ATP13A3: variants seen among roughly 807,000 people sequenced by gnomAD.
ATP13A3 encodes the protein polyamine-transporting ATPase 13A3.
Under a neutral mutation model 158.1 loss-of-function variants are expected in ATP13A3, and 59 were observed. The ratio of observed to expected loss-of-function variants is 0.37; its 90% confidence interval spans 0.30 to 0.46. The LOEUF is 0.46. ATP13A3 is among the 20% of genes least tolerant of loss of function. The pLI is 1.00. For missense variants in ATP13A3, 1,166 were observed against 1,525.2 expected (o/e 0.76, Z 3.92); for synonymous variants, 491 against 504.3 (o/e 0.97, Z 0.35).
At chr3:194,415,942 A>T (rs1715820911) in intron 31 of ATP13A3, among the ~76,000 whole-genome samples, 1 of 152,202 alleles carries the variant, frequency 6.6e-6, no homozygotes, top group Non-Finnish European at 1.5e-5. Context: ...CCTGTCCGTA[A>T]CATACAAGAA....
At position 194,433,397 on chromosome 3, in the gene ATP13A3, C is replaced by T. The variant is rs71316302; in HGVS notation, c.2245+375G>A. ...TAGCTGGGACTACAGGCACCCGCCA[C>T]CGCTCCCGGCTAATTTTTTGTATTT... On this transcript the variant is annotated intron_variant, in intron 21 of 33. Coordinates refer to ENST00000645319, the MANE Select transcript of ATP13A3 (RefSeq NM_001367549.1). Among the ~76,000 whole-genome samples the T allele has an allele frequency of 8.0e-3, 1,220 of 152,170 alleles. 5 individuals are homozygous for T. The highest frequency in any genetic ancestry group is 0.012 in the Non-Finnish European group (815 of 67,982).
chr3:194,438,643 T>C (rs1717829445), intron 17 of ATP13A3, among the ~76,000 whole-genome samples: 1 of 152,056 alleles, frequency 6.6e-6, no homozygotes, highest in African/African-American at 2.4e-5. Context: ...GAGAATTAAA[T>C]GTAAGTAAGC....
In ATP13A3 at chr3:194,486,854, G is replaced by C. The variant is rs911966343; in HGVS notation, c.-377C>G. The C allele has an allele frequency of 9.2e-5, 14 of 151,820 alleles. No individual in the cohort carries two copies. Among genetic ancestry groups the C allele is most frequent in the African/African-American group, 2.9e-4 (12 of 41,452 alleles). The allele number at this position is 151,820 out of a possible 1,614,324, so 9.4% of individuals were successfully genotyped here. Reference sequence around the variant, plus strand: ...CGAGAACAAGGGAGGGCGGCGGGAGGTGGGCAGGGGAGGGGGGCGGTCTGC... The same window carrying C: ...CGAGAACAAGGGAGGGCGGCGGGAGCTGGGCAGGGGAGGGGGGCGGTCTGC... On this transcript the variant is annotated 5_prime_UTR_variant, in exon 1 of 34. Transcript: ENST00000645319.
At chr3:194,455,669 A>G (rs1488712581) in intron 8 of ATP13A3, among the ~76,000 whole-genome samples, 2 of 152,258 alleles carry the variant, frequency 1.3e-5, no homozygotes, top group African/African-American at 4.8e-5. Flanking sequence ...TAACTCTGCT[A>G]GACATTCAAC....
At chr3:194,410,243 T>C (rs1715265361) in intron 33 of ATP13A3, among the ~76,000 whole-genome samples, 1 of 121,264 alleles carries the variant, frequency 8.2e-6, no homozygotes, top group African/African-American at 3.1e-5. Flanking sequence ...GCAGATGGCT[T>C]GAACCCAGGA....
At position 194,430,130 on chromosome 3, in the gene ATP13A3, C is replaced by T; in HGVS notation, c.2719G>A (p.Val907Met). The stretch of plus-strand genomic sequence containing the variant: ...GTCTTAGAGGTAAAGGGAGATGCCA[C>T]TGAAGCTTCGAGCTCCGATAAGGAA... ...GISLSELEAS[V>M]ASPFTSKTPS... The change falls in exon 26 of 34, where the codon GTG (valine) becomes ATG (methionine). Residue 907 changes from valine to methionine, a missense_variant. By Grantham distance (21) the Val-to-Met change is conservative. Coordinates refer to ENST00000645319, the MANE Select transcript of ATP13A3 (RefSeq NM_001367549.1). 1 of 1,614,154 alleles carries T rather than the reference C, an allele frequency of 6.2e-7. No homozygotes were observed. The highest frequency in any genetic ancestry group is 8.5e-7 in the Non-Finnish European group (1 of 1,180,022).
At chr3:194,430,801 G>A in intron 24 of ATP13A3, 142 bp downstream of exon 24, 1 of 587,698 alleles carries the variant, frequency 1.7e-6, no homozygotes, top group Non-Finnish European at 2.6e-6. Context: ...GGCACTTAAA[G>A]TTCTGAACTA....
chr3:194,439,909 A>C (rs1324912698), intron 16 of ATP13A3, among the ~76,000 whole-genome samples: 1 of 152,228 alleles, frequency 6.6e-6, no homozygotes, highest in Non-Finnish European at 1.5e-5. Flanking sequence ...GAAGAACGAT[A>C]AATCAGCCCA....
rs538632104 is a variant in ATP13A3, at chr3:194,438,654, A to C, written c.1827+202T>G. 1.2e-3 allele frequency among the ~76,000 whole-genome samples: 178 copies of C among 152,166 alleles called. 1 individual carries two copies. The highest frequency in any genetic ancestry group is 4.0e-3 in the African/African-American group (166 of 41,514). On this transcript the variant is annotated intron_variant, in intron 17 of 33. Coordinates refer to ENST00000645319, the MANE Select transcript of ATP13A3 (RefSeq NM_001367549.1). ...AAATGAGAATTAAATGTAAGTAAGCAGGCTGGGGGTGGTGGCTCACACCTG... is the reference window on the plus strand; with the variant it reads ...AAATGAGAATTAAATGTAAGTAAGCCGGCTGGGGGTGGTGGCTCACACCTG...
At chr3:194,458,076 AC>A (rs1353020485) in intron 6 of ATP13A3, among the ~76,000 whole-genome samples, 1 of 151,124 alleles carries the variant, frequency 6.6e-6, no homozygotes, top group Non-Finnish European at 1.5e-5. Context: ...ATGAGCCACC[AC>A]CCCCCGCCTT....
At position 194,403,121 on chromosome 3, in the gene ATP13A3, A is replaced by G. The variant is rs1714722486; in HGVS notation, c.*2798T>C. ...ATTTTGCTCTTCACTGGATAATGTT[A>G]TCTATAGCTGTTTCTGTAACAGACT... is the stretch of plus-strand genomic sequence containing the variant. On this transcript the variant is annotated 3_prime_UTR_variant, in exon 34 of 34. Coordinates refer to ENST00000645319, the MANE Select transcript of ATP13A3 (RefSeq NM_001367549.1). 6.6e-6 allele frequency: 1 copy of G among 152,232 alleles called. No homozygotes were observed. The highest frequency in any genetic ancestry group is 1.5e-5 in the Non-Finnish European group (1 of 68,032). The allele number at this position is 152,232 out of a possible 1,614,324, so 9.4% of individuals were successfully genotyped here.
At chr3:194,449,609 G>A (rs933384305) in intron 11 of ATP13A3, among the ~76,000 whole-genome samples, 5 of 151,874 alleles carry the variant, frequency 3.3e-5, no homozygotes, top group South Asian at 2.1e-4. Context: ...ACCTGGGAGC[G>A]GAGGCTGCAG....
At position 194,405,032 on chromosome 3, in the gene ATP13A3, AATTTTAAAAAACC is replaced by A. The variant is rs1261151128; in HGVS notation, c.*874_*886del. 3 of 152,232 alleles carry A rather than the reference AATTTTAAAAAACC, an allele frequency of 2.0e-5. No individual in the cohort carries two copies. The highest frequency in any genetic ancestry group is 4.4e-5 in the Non-Finnish European group (3 of 68,050). The allele number at this position is 152,232 out of a possible 1,614,324, so 9.4% of individuals were successfully genotyped here. On this transcript the variant is annotated 3_prime_UTR_variant, in exon 34 of 34. Coordinates refer to ENST00000645319, the MANE Select transcript of ATP13A3 (RefSeq NM_001367549.1). The stretch of plus-strand genomic sequence containing the variant: ...TTAGGTAATTGAAAACATAGAAGAA[AATTTTAAAAAACC>A]ATTTAAAATAACACAAAGCCTGACA...
At chr3:194,490,991 T>A (rs3931594), upstream of ATP13A3, among the ~76,000 whole-genome samples, 25,304 of 152,094 alleles carry the variant, frequency 0.17, 3,652 homozygotes, top group African/African-American at 0.39. This position sits in a 1 kb window ranked among gnomAD's most constrained non-coding sequence, Gnocchi z 4.4. Context: ...TAAACATACA[T>A]AAATTAGCCA....
At chr3:194,468,386 T>TAAAAAAAAAAAAAAAAAAAAAAAAA (rs35011462) in intron 2 of ATP13A3, 1 of 111,880 alleles carries the variant, frequency 8.9e-6, no homozygotes, top group African/African-American at 3.9e-5. Flanking sequence ...TGTGTGAGTT[T>TAAAAAAAAAAAAAAAAAAAAAAAAA]AAAAAAAAAA....
intron 33 of ATP13A3, among the ~76,000 whole-genome samples, chr3:194,407,624 A>G (rs1715033012): frequency 6.6e-6 from 1 of 152,206 alleles, no homozygotes; most frequent in Non-Finnish European, 1.5e-5. Context: ...TCAACAAAAC[A>G]CAATCAGCTG....
chr3:194,428,239 A>G (rs1199009525), intron 28 of ATP13A3, among the ~76,000 whole-genome samples: 3 of 129,552 alleles, frequency 2.3e-5, no homozygotes, highest in Non-Finnish European at 4.8e-5. Context: ...AAAAAAAAAG[A>G]AAAAAAGAAA....
At chr3:194,415,303 G>A (rs1452638167) in intron 31 of ATP13A3, among the ~76,000 whole-genome samples, 2 of 152,188 alleles carry the variant, frequency 1.3e-5, no homozygotes, top group Non-Finnish European at 2.9e-5. Flanking sequence ...AGATTGGCAG[G>A]GGAAGATGCC....
At chr3:194,427,279 G>A in intron 28 of ATP13A3, 27 bp from the exon 29 acceptor site, 1 of 1,559,394 alleles carries the variant, frequency 6.4e-7, no homozygotes, top group Non-Finnish European at 8.7e-7. Flanking sequence ...AAGAGGAAAG[G>A]TTTGTATTTA....
Sources: gnomAD v4.1 joint callset for allele counts (sites outside exome capture counted in the v4.1 genomes callset) on GRCh38, gnomAD v4.1.1 for gene constraint, Gnocchi (gnomAD v3.1) non-coding constraint, MANE v1.5 for transcripts, NCBI Gene and HGNC (gene_info 2026-07-23, HGNC 2026-07-21) for gene names.